XIRP2: variants seen among roughly 807,000 people sequenced by gnomAD.
The protein encoded by XIRP2 is xin actin binding repeat containing 2, also known as xin actin-binding repeat-containing protein 2.
A neutral mutation model predicts 277.0 loss-of-function variants in XIRP2; 236 were observed. That is an observed-to-expected ratio of 0.85 (90% CI 0.77 to 0.95). The LOEUF is 0.95. Among genes scored for constraint, XIRP2 ranks in the 40% least tolerant of loss-of-function variants. The pLI is 0.00. For synonymous variants in XIRP2, 1,490 were observed against 1,416.5 expected, an observed-to-expected ratio of 1.05 and a Z score of -1.17; for missense variants, 4,640 against 4,157.5, an observed-to-expected ratio of 1.12 and a Z score of -3.19.
intron 2 of XIRP2, among the ~76,000 whole-genome samples, chr2:166,922,059 A>T (rs994469682): frequency 2.0e-5 from 3 of 152,142 alleles, no homozygotes; most frequent in Non-Finnish European, 4.4e-5. Context: ...ATATTTTTTG[A>T]AAGTCTGAGA....
At chr2:167,103,129 A>G (rs1690530034) in intron 2 of XIRP2, among the ~76,000 whole-genome samples, 1 of 152,018 alleles carries the variant, frequency 6.6e-6, no homozygotes, top group Non-Finnish European at 1.5e-5. Flanking sequence ...ATGGAGCAAG[A>G]TCCTGTCTCA....
chr2:166,923,370 T>C (rs1479532220), intron 2 of XIRP2, among the ~76,000 whole-genome samples: 1 of 152,110 alleles, frequency 6.6e-6, no homozygotes, highest in East Asian at 1.9e-4. Flanking sequence ...CTCTACTGAG[T>C]GATGCTTTAC....
intron 5 of XIRP2, among the ~76,000 whole-genome samples, chr2:167,237,624 C>A (rs1694938436): frequency 6.6e-6 from 1 of 152,130 alleles, no homozygotes; most frequent in Admixed American, 6.6e-5. Context: ...TAATTCGAAA[C>A]TTTAAAATCA....
chr2:167,182,359 A>G (rs76745366), intron 3 of XIRP2, among the ~76,000 whole-genome samples: 2,085 of 152,294 alleles, frequency 0.014, 56 homozygotes, highest in African/African-American at 0.048. Flanking sequence ...TACATATCAG[A>G]TGACTGAACT....
intron 3 of XIRP2, among the ~76,000 whole-genome samples, chr2:167,152,321 A>G (rs1574301256): frequency 6.6e-6 from 1 of 151,928 alleles, no homozygotes; most frequent in African/African-American, 2.4e-5. Context: ...AGGAATCTAG[A>G]ACAGATTTTG....
chr2:167,127,376 C>T (rs928448224), intron 2 of XIRP2, among the ~76,000 whole-genome samples: 1 of 152,160 alleles, frequency 6.6e-6, no homozygotes, highest in African/African-American at 2.4e-5. Context: ...TTGTGACAAC[C>T]TTCTGACAGA....
intron 3 of XIRP2, among the ~76,000 whole-genome samples, chr2:167,154,847 A>T (rs1463407100): frequency 6.6e-6 from 1 of 152,164 alleles, no homozygotes; most frequent in African/African-American, 2.4e-5. Flanking sequence ...ATAGACAGCT[A>T]GCAAGACTAA....
chr2:167,067,781 T>C (rs1413332593), intron 2 of XIRP2, among the ~76,000 whole-genome samples: 2 of 152,196 alleles, frequency 1.3e-5, no homozygotes, highest in African/African-American at 2.4e-5. Flanking sequence ...CAAAGTGCAA[T>C]AAACCAAGGT....
At chr2:167,105,560 A>G (rs866192783) in intron 2 of XIRP2, among the ~76,000 whole-genome samples, 7 of 151,934 alleles carry the variant, frequency 4.6e-5, no homozygotes, top group African/African-American at 1.7e-4. Context: ...CTCCTTGAAG[A>G]GTATGTGTGT....
At chr2:167,037,468 C>T (rs2105514478) in intron 2 of XIRP2, among the ~76,000 whole-genome samples, 1 of 150,950 alleles carries the variant, frequency 6.6e-6, no homozygotes, top group East Asian at 2.0e-4. Flanking sequence ...TGTAGTTTTG[C>T]TGCATTTCAT....
intron 5 of XIRP2, among the ~76,000 whole-genome samples, chr2:167,222,259 T>A (rs1288720700): frequency 6.6e-6 from 1 of 152,200 alleles, no homozygotes; most frequent in Non-Finnish European, 1.5e-5. Flanking sequence ...CTTTTATAGT[T>A]CTGCCTGTTA....
Position 167,189,532 on chromosome 2 carries a change from T to C in XIRP2, c.563-21203T>C, listed in dbSNP as rs533989227. 3.3e-5 allele frequency among the ~76,000 whole-genome samples: 5 copies of C among 152,352 alleles called. No individual in the cohort carries two copies. In the East Asian group the frequency reaches 7.7e-4, roughly 24 times the overall value. ...TACACTTTGAAATTTAATTAAATTG[T>C]AATGTGTTTCTTCCTGTTTCTGAAA... is the stretch of plus-strand genomic sequence containing the variant. On this transcript the variant is annotated intron_variant, in intron 3 of 10. Transcript: ENST00000409195.
At chr2:166,933,129 G>T (rs1225130870) in intron 2 of XIRP2, among the ~76,000 whole-genome samples, 1 of 151,156 alleles carries the variant, frequency 6.6e-6, no homozygotes, top group Non-Finnish European at 1.5e-5. Context: ...AATTTTAATT[G>T]GAATAAATTA....
chr2:167,186,485 C>A (rs1693159058), intron 3 of XIRP2, among the ~76,000 whole-genome samples: 1 of 152,052 alleles, frequency 6.6e-6, no homozygotes, highest in Admixed American at 6.6e-5. Flanking sequence ...TAGGCCACAC[C>A]ACATTAGGAA....
intron 2 of XIRP2, among the ~76,000 whole-genome samples, chr2:167,085,412 A>G (rs1379303373): frequency 3.7e-3 from 556 of 150,154 alleles, no homozygotes; most frequent in Middle Eastern, 0.014. Context: ...AAAAAAATGT[A>G]TATTCTGTTG....
chr2:167,214,918 A>G (rs1434861803), intron 4 of XIRP2, among the ~76,000 whole-genome samples: 1 of 152,144 alleles, frequency 6.6e-6, no homozygotes, highest in Non-Finnish European at 1.5e-5. Flanking sequence ...CCTGTCCAGT[A>G]TAAGAATTGA....
chr2:167,247,181 A>C lies in XIRP2; in HGVS notation c.5789A>C (p.Lys1930Thr). ...DDLETSLRSL[K>T]EAQRSFKEVH... The stretch of plus-strand genomic sequence containing the variant: ...CTGGAAACATCACTAAGGTCTTTGA[A>C]AGAAGCACAAAGAAGTTTCAAAGAG... Residue 1930 changes from lysine to threonine, a missense_variant, in exon 9 of 11, where the codon AAA becomes ACA. Lys to Thr is a moderately conservative substitution (Grantham distance 78, BLOSUM62 -1). Transcript: ENST00000409195. The C allele has an allele frequency of 1.2e-6, 2 of 1,613,610 alleles. No homozygotes were observed. The highest frequency in any genetic ancestry group is 1.7e-6 in the Non-Finnish European group (2 of 1,179,770).
At chr2:167,077,185 A>T (rs912338158) in intron 2 of XIRP2, among the ~76,000 whole-genome samples, 4 of 152,030 alleles carry the variant, frequency 2.6e-5, no homozygotes, top group Admixed American at 2.0e-4. Context: ...TTCATAGATT[A>T]TTTGGGGAGA....
chr2:166,892,410 T>A (rs544024457), intron 1 of XIRP2, among the ~76,000 whole-genome samples: 1 of 152,148 alleles, frequency 6.6e-6, no homozygotes. Flanking sequence ...AAAAGAGACA[T>A]GTGTTGATCT....
Sources: gnomAD v4.1 joint callset for allele counts (sites outside exome capture counted in the v4.1 genomes callset) on GRCh38, gnomAD v4.1.1 for gene constraint, MANE v1.5 for transcripts, NCBI Gene and HGNC (gene_info 2026-07-23, HGNC 2026-07-21) for gene names.